Variants in DENND6A observed in about 807,000 individuals in gnomAD.
The protein encoded by DENND6A is protein DENND6A.
Under a neutral mutation model 95.5 loss-of-function variants are expected in DENND6A, and 43 were observed. The ratio of observed to expected loss-of-function variants is 0.45; its 90% CI spans 0.35 to 0.58. DENND6A has a LOEUF of 0.58. Among genes scored for constraint, DENND6A ranks in the 20% least tolerant of loss-of-function variants. The pLI is 0.00. For missense variants in DENND6A, 574 were observed against 736.0 expected (o/e 0.78, Z 2.55); for synonymous variants, 257 against 260.4 (o/e 0.99, Z 0.13).
chr3:57,634,905 T>C (rs981071784), intron 12 of DENND6A, 136 bp from the exon 13 acceptor site: 2 of 641,454 alleles, frequency 3.1e-6, no homozygotes, highest in Non-Finnish European at 4.8e-6. Context: ...TATTAATATG[T>C]TAAGGGTTCA....
At chr3:57,689,993 G>T (rs2077246196) in intron 1 of DENND6A, among the ~76,000 whole-genome samples, 1 of 150,594 alleles carries the variant, frequency 6.6e-6, no homozygotes. Flanking sequence ...CGAGGTTGTA[G>T]TGAGTTATGA....
At chr3:57,641,954 A>C (rs766223236) in intron 11 of DENND6A, among the ~76,000 whole-genome samples, 1 of 152,174 alleles carries the variant, frequency 6.6e-6, no homozygotes, top group Non-Finnish European at 1.5e-5. Context: ...CCAGCAGCAC[A>C]CAGGAAGAAA....
At chr3:57,692,696 G>A in intron 1 of DENND6A, 86 bp downstream of exon 1, 1 of 1,254,036 alleles carries the variant, frequency 8.0e-7, no homozygotes, top group South Asian at 1.7e-5. Flanking sequence ...CAGGGTCCTG[G>A]CCGGTCAGCC....
chr3:57,644,978 C>A (rs561911606), intron 11 of DENND6A, among the ~76,000 whole-genome samples: 1 of 151,712 alleles, frequency 6.6e-6, no homozygotes, highest in African/African-American at 2.4e-5. Context: ...AAGTGGAGAT[C>A]GTACATGCAG....
At chr3:57,667,584 T>A (rs1205731950) in intron 3 of DENND6A, among the ~76,000 whole-genome samples, 2 of 152,186 alleles carry the variant, frequency 1.3e-5, no homozygotes, top group Non-Finnish European at 2.9e-5. Context: ...ATAGTCACTC[T>A]CTCTGTGATT....
chr3:57,684,886 T>G (rs2077198525), intron 1 of DENND6A, among the ~76,000 whole-genome samples: 1 of 152,096 alleles, frequency 6.6e-6, no homozygotes, highest in Non-Finnish European at 1.5e-5. Context: ...GGAGGTTCCC[T>G]TGAGTCCAGG....
chr3:57,661,307 T>G, intron 6 of DENND6A, 139 bp downstream of exon 6: 3 of 654,534 alleles, frequency 4.6e-6, no homozygotes, highest in Non-Finnish European at 7.1e-6. Flanking sequence ...AGAAAAATAG[T>G]TTTATACCTT....
intron 8 of DENND6A, among the ~76,000 whole-genome samples, chr3:57,658,618 A>T (rs1343870951): frequency 3.9e-5 from 6 of 152,246 alleles, no homozygotes; most frequent in African/African-American, 1.4e-4. Flanking sequence ...TGTAACAGAA[A>T]TACTAGTTTT....
intron 12 of DENND6A, among the ~76,000 whole-genome samples, chr3:57,637,922 T>G (rs1038412044): frequency 6.6e-5 from 10 of 151,618 alleles, no homozygotes; most frequent in African/African-American, 2.4e-4. Flanking sequence ...GATCACGAGG[T>G]CAGGAATTCG....
Position 57,692,915 on chromosome 3 carries a change from G to A in DENND6A, c.104C>T (p.Ala35Val), listed in dbSNP as rs1435679489. ...TTCATCGTCCTCTGGCGCGCCTCCC[G>A]CCGCCACAAGGGCCGGCGCCTCGCG... ...EGREAPALVA[A>V]GGAPEDDEED... Residue 35 changes from alanine to valine, a missense_variant, in exon 1 of 20, where the codon GCG (alanine) becomes GTG (valine). By Grantham distance (64) the Ala-to-Val change is moderately conservative. Around this residue, in one of 2 missense-constraint regions of DENND6A, gnomAD observed 122 missense variants for 105.1 expected, o/e 1.16. Coordinates refer to ENST00000311128, the MANE Select transcript of DENND6A (RefSeq NM_152678.3). 6.4e-7 allele frequency: 1 copy of A among 1,563,430 alleles called. No homozygotes were observed.
chr3:57,661,927 CTTATGAG>C (rs764392344), intron 5 of DENND6A, among the ~76,000 whole-genome samples: 50 of 151,998 alleles, frequency 3.3e-4, no homozygotes, highest in Non-Finnish European at 5.9e-4. Context: ...TTCCAAAAGA[CTTATGAG>C]TTATATTTTA....
chr3:57,689,874 G>A (rs1384605644), intron 1 of DENND6A, among the ~76,000 whole-genome samples: 1 of 151,954 alleles, frequency 6.6e-6, no homozygotes, highest in Admixed American at 6.6e-5. Flanking sequence ...GACCAGCCTG[G>A]GCAACATAGC....
Position 57,634,452 on chromosome 3 carries a change from G to C in DENND6A, c.1263+106C>G, listed in dbSNP as rs1454103213. The C allele has an allele frequency of 1.6e-5, 8 of 512,554 alleles. No homozygotes were observed. The African/African-American group carries it at 1.6e-4, about 11-fold the overall frequency. The allele number at this position is 512,554 out of a possible 1,614,324, so 31.8% of individuals were successfully genotyped here. ...TGTCTCCCAAAAAAAAAAAAAAAAA[G>C]GAGAGATCCTATTTCACATTAGTAT... On this transcript the variant is annotated intron_variant, in intron 14 of 19. Transcript: ENST00000311128.
At chr3:57,647,982 G>A (rs2071115698) in intron 9 of DENND6A, among the ~76,000 whole-genome samples, 1 of 151,990 alleles carries the variant, frequency 6.6e-6, no homozygotes, top group Non-Finnish European at 1.5e-5. Context: ...TATTAGCTTG[G>A]GGGACAAAGT....
At chr3:57,663,146 C>A (rs2071456767) in intron 5 of DENND6A, among the ~76,000 whole-genome samples, 1 of 105,044 alleles carries the variant, frequency 9.5e-6, no homozygotes. Flanking sequence ...AGCAAAACTC[C>A]ATATCAAAAA....
At chr3:57,658,837 C>A (rs1472638267) in intron 8 of DENND6A, among the ~76,000 whole-genome samples, 1 of 152,096 alleles carries the variant, frequency 6.6e-6, no homozygotes, top group Non-Finnish European at 1.5e-5. Flanking sequence ...AGAGGTTCTG[C>A]CAGAATCAAA....
intron 1 of DENND6A, among the ~76,000 whole-genome samples, chr3:57,683,680 A>T (rs745693788): frequency 6.6e-6 from 1 of 152,202 alleles, no homozygotes; most frequent in Non-Finnish European, 1.5e-5. Context: ...ATTACTACCA[A>T]GAATTTAAGA....
chr3:57,663,584 T>C, intron 5 of DENND6A, 52 bp downstream of exon 5: 1 of 1,333,630 alleles, frequency 7.5e-7, no homozygotes, highest in South Asian at 1.4e-5. Context: ...CTTTCTATTT[T>C]TCTAATCACA....
At chr3:57,655,703 C>G (rs967070056) in intron 9 of DENND6A, among the ~76,000 whole-genome samples, 1 of 152,002 alleles carries the variant, frequency 6.6e-6, no homozygotes, top group African/African-American at 2.4e-5. Context: ...AAACTTGGGC[C>G]CATCCCCAAG....
Sources: gnomAD v4.1 joint callset for allele counts (sites outside exome capture counted in the v4.1 genomes callset) on GRCh38, gnomAD v4.1.1 for gene constraint, gnomAD v4.1.1 regional missense constraint, MANE v1.5 for transcripts, NCBI Gene and HGNC (gene_info 2026-07-23, HGNC 2026-07-21) for gene names.